The following ATP8A2 variants were observed in gnomAD, a reference collection of about 807,000 sequenced individuals.
ATP8A2 encodes the protein ATPase phospholipid transporting 8A2.
In ATP8A2, 100 loss-of-function variants were observed where a neutral mutation model predicts 165.6. The ratio of observed to expected loss-of-function variants is 0.60; its 90% CI spans 0.51 to 0.71. ATP8A2 has a LOEUF of 0.71. ATP8A2 is among the 30% of genes least tolerant of loss of function. The pLI, the probability that ATP8A2 is intolerant of heterozygous loss-of-function variation, is 0.00. For missense variants in ATP8A2, 1,227 were observed against 1,479.5 expected, an observed-to-expected ratio of 0.83 and a Z score of 2.80; for synonymous variants, 543 against 548.8, an observed-to-expected ratio of 0.99 and a Z score of 0.15.
At chr13:25,520,611 T>G (rs9581372) in intron 2 of ATP8A2, among the ~76,000 whole-genome samples, 5,721 of 133,142 alleles carry the variant, frequency 0.043, 328 homozygotes, top group African/African-American at 0.16. Context: ...TTTTTGTTTT[T>G]TTTTTTTGAG....
chr13:26,002,495 C>A (rs1956647911), intron 35 of ATP8A2, among the ~76,000 whole-genome samples: 1 of 151,180 alleles, frequency 6.6e-6, no homozygotes, highest in South Asian at 2.1e-4. Flanking sequence ...AGCAAACCAA[C>A]ACGGCACATG....
chr13:25,726,247 A>G (rs1455014474), intron 25 of ATP8A2, among the ~76,000 whole-genome samples: 1 of 152,224 alleles, frequency 6.6e-6, no homozygotes, highest in Non-Finnish European at 1.5e-5. Context: ...AAGTGTGGCT[A>G]TAGCTACATG....
chr13:25,560,533 C>T (rs889542083), intron 15 of ATP8A2, among the ~76,000 whole-genome samples: 3 of 151,544 alleles, frequency 2.0e-5, no homozygotes, highest in African/African-American at 7.3e-5. Context: ...AACCCTGTCT[C>T]TACTAAAAAT....
chr13:25,691,608 G>T (rs2042727302), intron 24 of ATP8A2, among the ~76,000 whole-genome samples: 1 of 152,222 alleles, frequency 6.6e-6, no homozygotes, highest in African/African-American at 2.4e-5. Context: ...AACATCTCTT[G>T]AAAATGTTTG....
At chr13:25,734,651 T>G (rs1001613114) in intron 25 of ATP8A2, among the ~76,000 whole-genome samples, 2 of 152,162 alleles carry the variant, frequency 1.3e-5, no homozygotes, top group Non-Finnish European at 2.9e-5. Flanking sequence ...GTTTCCTTTC[T>G]TTTTGAGATG....
At chr13:25,727,383 A>G (rs572481914) in intron 25 of ATP8A2, among the ~76,000 whole-genome samples, 3 of 152,326 alleles carry the variant, frequency 2.0e-5, no homozygotes, top group South Asian at 2.1e-4. Flanking sequence ...GATTTTGGCA[A>G]CGTTACTATT....
chr13:25,963,291 G>A (rs936467242), intron 34 of ATP8A2, among the ~76,000 whole-genome samples: 1 of 151,908 alleles, frequency 6.6e-6, no homozygotes, highest in Non-Finnish European at 1.5e-5. Flanking sequence ...CTACTTGGGA[G>A]GCTGAGGCAG....
intron 35 of ATP8A2, among the ~76,000 whole-genome samples, chr13:26,004,815 C>T (rs1233702522): frequency 6.6e-6 from 1 of 151,974 alleles, no homozygotes; most frequent in East Asian, 1.9e-4. Flanking sequence ...TTGAACCATC[C>T]TTGTATCCCA....
At chr13:25,558,422 A>G (rs1281352288) in intron 13 of ATP8A2, among the ~76,000 whole-genome samples, 1 of 152,212 alleles carries the variant, frequency 6.6e-6, no homozygotes, top group Non-Finnish European at 1.5e-5. Context: ...ATTGTTTTCA[A>G]AAAACTTCCC....
intron 25 of ATP8A2, among the ~76,000 whole-genome samples, chr13:25,724,162 C>A (rs144973538): frequency 2.0e-5 from 3 of 152,196 alleles, no homozygotes; most frequent in African/African-American, 7.2e-5. Flanking sequence ...CTTGGGAGAC[C>A]CTGAGAAGAA....
rs1952627727 is a variant in ATP8A2 at position 25,869,859 on chromosome 13, AG to A, written c.3183+7454del. Among the ~76,000 whole-genome samples the A allele has an allele frequency of 3.9e-5, 6 of 152,312 alleles. No homozygotes were observed. The South Asian group carries it at 1.2e-3, about 32-fold the overall frequency. On this transcript the variant is annotated intron_variant, in intron 33 of 36. Transcript: ENST00000381655. ...CTGAACCCCAGTGGGCATGTGTTAC[AG>A]GGTACTCTTTCAGTTTAGCTGTCCG... is the stretch of plus-strand genomic sequence containing the variant.
At chr13:25,389,033 G>A (rs573072890) in intron 1 of ATP8A2, among the ~76,000 whole-genome samples, 1 of 152,270 alleles carries the variant, frequency 6.6e-6, no homozygotes, top group Admixed American at 6.5e-5. Context: ...GCACCCAATA[G>A]GAGACTCATC....
chr13:25,543,384 C>A lies in ATP8A2; in HGVS notation c.873C>A (p.His291Gln). The A allele has an allele frequency of 1.2e-6, 2 of 1,603,052 alleles. No homozygotes were observed. Among genetic ancestry groups the A allele is most frequent in the Non-Finnish European group, 8.5e-7 (1 of 1,170,874 alleles). The change falls in exon 10 of 37, where the codon CAC (histidine) becomes CAA (glutamine). Residue 291 changes from histidine to glutamine, a missense_variant. Coordinates refer to ENST00000381655, the MANE Select transcript of ATP8A2 (RefSeq NM_016529.6). ...WVFGIVVYTG[H>Q]DTKLMQNSTK... ...TTGGCATAGTTGTTTATACTGGACA[C>A]GACACCAAACTCATGCAGGTAAAAC...
intron 27 of ATP8A2, among the ~76,000 whole-genome samples, chr13:25,797,556 G>A (rs1252941093): frequency 3.9e-5 from 6 of 152,050 alleles, no homozygotes; most frequent in African/African-American, 1.4e-4. Context: ...TGAAGGAAAC[G>A]ATTTCATCTG....
intron 24 of ATP8A2, among the ~76,000 whole-genome samples, chr13:25,612,994 A>T (rs2138447582): frequency 6.6e-6 from 1 of 151,950 alleles, no homozygotes; most frequent in East Asian, 1.9e-4. Context: ...CTACCCCTTT[A>T]CCTTAAGTTC....
intron 25 of ATP8A2, among the ~76,000 whole-genome samples, chr13:25,700,237 T>C (rs1456358161): frequency 6.6e-6 from 1 of 152,220 alleles, no homozygotes; most frequent in Non-Finnish European, 1.5e-5. Flanking sequence ...TATGATGGCC[T>C]CCTTCTCTTT....
intron 15 of ATP8A2, among the ~76,000 whole-genome samples, chr13:25,559,969 G>A (rs1457912187): frequency 2.6e-5 from 4 of 151,914 alleles, no homozygotes; most frequent in East Asian, 1.9e-4. Context: ...CTAAAACTAC[G>A]GGCATGCACC....
At chr13:25,529,571 G>T (rs2037963738) in intron 2 of ATP8A2, among the ~76,000 whole-genome samples, 1 of 152,146 alleles carries the variant, frequency 6.6e-6, no homozygotes, top group African/African-American at 2.4e-5. Context: ...GCAAAAGTGT[G>T]AGCAAACATG....
chr13:25,954,641 G>A (rs1955475847), intron 33 of ATP8A2, among the ~76,000 whole-genome samples: 1 of 152,198 alleles, frequency 6.6e-6, no homozygotes, highest in South Asian at 2.1e-4. Context: ...GTGCCCCTCT[G>A]GGATGAAGCT....
Sources: gnomAD v4.1 joint callset for allele counts (sites outside exome capture counted in the v4.1 genomes callset) on GRCh38, gnomAD v4.1.1 for gene constraint, MANE v1.5 for transcripts, NCBI Gene and HGNC (gene_info 2026-07-23, HGNC 2026-07-21) for gene names.